The following MINAR1 variants were observed in gnomAD, a reference collection of about 807,000 sequenced individuals.
MINAR1 encodes the protein major intrinsically disordered Notch2-binding receptor 1.
MINAR1 carries 40 observed loss-of-function variants against 65.1 expected under a neutral mutation model. The ratio of observed to expected loss-of-function variants is 0.61; its 90% CI spans 0.48 to 0.80. The LOEUF (loss-of-function observed/expected upper bound fraction) is 0.80, where lower values mean the gene tolerates loss of function less well. Among genes scored for constraint, MINAR1 ranks in the 30% least tolerant of loss-of-function variants. MINAR1 has a pLI of 0.00. For missense variants in MINAR1, 1,128 were observed against 1,148.0 expected, an observed-to-expected ratio of 0.98 and a Z score of 0.25; for synonymous variants, 482 against 449.1, an observed-to-expected ratio of 1.07 and a Z score of -0.93.
chr15:79,431,760 C>G (rs2141271706), upstream of MINAR1, among the ~76,000 whole-genome samples: 1 of 152,332 alleles, frequency 6.6e-6, no homozygotes, highest in Non-Finnish European at 1.5e-5. Context: ...TGGGGAGACG[C>G]GAACCCCGCG....
At position 79,432,443 on chromosome 15, in the gene MINAR1, TACCGGAGGCGCGGC is replaced by T. The variant is rs1324209768; in HGVS notation, c.-146_-133del. 1 of 152,198 alleles carries T rather than the reference TACCGGAGGCGCGGC, an allele frequency of 6.6e-6. No individual in the cohort carries two copies. The highest frequency in any genetic ancestry group is 1.5e-5 in the Non-Finnish European group (1 of 68,074). 9.4% of individuals were successfully genotyped at this position (152,198 alleles called of 1,614,324 possible). ...ACAGTGACCAGCTGACTCTGGAGCC[TACCGGAGGCGCGGC>T]ATCGGAGGCCGTGCGGACCACTGCC... On this transcript the variant is annotated 5_prime_UTR_variant, in exon 1 of 4. Coordinates refer to ENST00000305428, the MANE Select transcript of MINAR1 (RefSeq NM_015206.3).
Position 79,469,687 on chromosome 15 carries a change from C to A in MINAR1, c.*1303C>A, listed in dbSNP as rs1481262448. 6.6e-6 allele frequency: 1 copy of A among 152,552 alleles called. No homozygotes were observed. The highest frequency in any genetic ancestry group is 1.5e-5 in the Non-Finnish European group (1 of 68,032). The allele number at this position is 152,552 out of a possible 1,614,324, so 9.4% of individuals were successfully genotyped here. On this transcript the variant is annotated 3_prime_UTR_variant, in exon 4 of 4. Transcript: ENST00000305428. Reference sequence around the variant, plus strand: ...TCCAAATTTGATCTGTTTCCACCTGCTGAATGGTGCTCTGACAATAATGGA... The same window carrying A: ...TCCAAATTTGATCTGTTTCCACCTGATGAATGGTGCTCTGACAATAATGGA...
At position 79,463,072 on chromosome 15, in the gene MINAR1, C is replaced by T; in HGVS notation, c.2304C>T (p.Asp768=). The change falls in exon 3 of 4, where the codon GAC becomes GAT. Residue 768 remains aspartate (D), a synonymous_variant. Coordinates refer to ENST00000305428, the MANE Select transcript of MINAR1 (RefSeq NM_015206.3). ...TTCTTTGTGCCCCTCTGCAGGCAGA[C>T]AGGCAGTACGACATTCCCCCACAGC... ...KDWHRKSKEA[D]RQYDIPPQHR... The T allele has an allele frequency of 6.2e-7, 1 of 1,610,526 alleles. No homozygotes were observed. Among genetic ancestry groups the T allele is most frequent in the Non-Finnish European group, 8.5e-7 (1 of 1,177,296 alleles).
At chr15:79,431,500 T>A (rs1445967079), upstream of MINAR1, among the ~76,000 whole-genome samples, 1 of 108,822 alleles carries the variant, frequency 9.2e-6, no homozygotes, top group Non-Finnish European at 1.9e-5. Flanking sequence ...AATGAGTGAG[T>A]ATGTGTGTGT....
At chr15:79,425,121 C>G in the MINAR1 span, 1 of 152,012 alleles carries the variant, frequency 6.6e-6, no homozygotes, top group Admixed American at 6.6e-5. Flanking sequence ...CTCACTGCAG[C>G]CTCTGCCTCT....
chr15:79,423,091 A>T, the MINAR1 span: 4 of 152,194 alleles, frequency 2.6e-5, no homozygotes, highest in Admixed American at 6.5e-5. Flanking sequence ...CCTTATAGAG[A>T]CTCATTAAAT....
In MINAR1 at chr15:79,463,391, C is replaced by T. The variant is rs146446260; in HGVS notation, c.2553+70C>T. On this transcript the variant is annotated intron_variant, in intron 3 of 3. Coordinates refer to ENST00000305428, the MANE Select transcript of MINAR1 (RefSeq NM_015206.3). ...CTGGCAAATGCCCTGGAATGGATCA[C>T]GGACGGCTTAGACCGGCCAGCCCAC... 8.8e-4 allele frequency: 1,382 copies of T among 1,572,284 alleles called. 16 individuals are homozygous for T. The African/African-American group carries it at 0.017, about 19-fold the overall frequency.
At chr15:79,465,752 C>T (rs868073064) in intron 3 of MINAR1, among the ~76,000 whole-genome samples, 1 of 151,926 alleles carries the variant, frequency 6.6e-6, no homozygotes, top group Non-Finnish European at 1.5e-5. Flanking sequence ...TTCCAGGTGC[C>T]AGGGTAGGGA....
the MINAR1 span, chr15:79,424,153 TA>T: frequency 6.6e-6 from 1 of 152,304 alleles, no homozygotes; most frequent in South Asian, 2.1e-4. Context: ...ATGCCGACCC[TA>T]AAAATATTTT....
intron 1 of MINAR1, among the ~76,000 whole-genome samples, chr15:79,443,605 A>T (rs1003445513): frequency 6.6e-6 from 1 of 152,196 alleles, no homozygotes; most frequent in Admixed American, 6.5e-5. Context: ...GATATGATAG[A>T]TCCATTCACA....
chr15:79,433,380 G>A (rs977179816), intron 1 of MINAR1, among the ~76,000 whole-genome samples: 1 of 152,254 alleles, frequency 6.6e-6, no homozygotes, highest in African/African-American at 2.4e-5. Flanking sequence ...GGGAAGATAA[G>A]GTTGTGTTCA....
At chr15:79,452,775 G>A (rs1160590576) in intron 1 of MINAR1, among the ~76,000 whole-genome samples, 5 of 150,386 alleles carry the variant, frequency 3.3e-5, no homozygotes, top group African/African-American at 9.8e-5. Context: ...AGCTGTGTGC[G>A]TGTCTGTGTC....
chr15:79,457,750 G>A lies in MINAR1; in HGVS notation c.1603G>A (p.Gly535Arg), dbSNP rs1194570685. 30 of 1,614,174 alleles carry A rather than the reference G, an allele frequency of 1.9e-5. No homozygotes were observed. The highest frequency in any genetic ancestry group is 2.4e-5 in the Non-Finnish European group (28 of 1,180,044). ...LDDMSISGSTGVIQSSCYNST... is the reference protein window; with the variant it reads ...LDDMSISGSTRVIQSSCYNST... ...TGACATGAGCATCAGTGGCTCCACG[G>A]GAGTGATACAGTCGTCCTGCTACAA... The change falls in exon 2 of 4, where the codon GGA (glycine) becomes AGA (arginine). Residue 535 changes from glycine to arginine, a missense_variant. By Grantham distance (125) the Gly-to-Arg change is moderately radical. Transcript: ENST00000305428.
intron 1 of MINAR1, among the ~76,000 whole-genome samples, chr15:79,450,820 G>T (rs1895168074): frequency 6.6e-6 from 1 of 152,188 alleles, no homozygotes; most frequent in African/African-American, 2.4e-5. Flanking sequence ...CCTGCAGAGG[G>T]TGCTGTGAGG....
Position 79,457,052 on chromosome 15 carries a change from A to G in MINAR1, c.905A>G (p.His302Arg), listed in dbSNP as rs1895450182. The G allele has an allele frequency of 6.2e-7, 1 of 1,614,068 alleles. No individual in the cohort carries two copies. Among genetic ancestry groups the G allele is most frequent in the African/African-American group, 1.3e-5 (1 of 75,044 alleles). ...KEPHKPPFFN[H>R]SFEMPYNSQY... is the part of the protein sequence containing the mutation. Reference sequence around the variant, plus strand: ...CCCCACAAGCCACCCTTCTTCAACCACAGCTTTGAAATGCCCTATAACAGC... The same window carrying G: ...CCCCACAAGCCACCCTTCTTCAACCGCAGCTTTGAAATGCCCTATAACAGC... The change falls in exon 2 of 4, where the codon CAC (histidine) becomes CGC (arginine). Residue 302 changes from histidine (H) to arginine (R), a missense_variant. Coordinates refer to ENST00000305428, the MANE Select transcript of MINAR1 (RefSeq NM_015206.3).
intron 1 of MINAR1, among the ~76,000 whole-genome samples, chr15:79,436,113 T>G (rs1894591942): frequency 6.6e-6 from 1 of 152,230 alleles, no homozygotes; most frequent in Non-Finnish European, 1.5e-5. Flanking sequence ...GGATTGAGGA[T>G]GATGTGGAGC....
the MINAR1 span, chr15:79,417,469 T>C: frequency 6.6e-6 from 1 of 152,250 alleles, no homozygotes; most frequent in African/African-American, 2.4e-5. Flanking sequence ...CAGGTCTTCC[T>C]GCTGAAATGG....
chr15:79,450,053 G>A (rs1246945233), intron 1 of MINAR1, among the ~76,000 whole-genome samples: 1 of 152,128 alleles, frequency 6.6e-6, no homozygotes, highest in African/African-American at 2.4e-5. Context: ...TGCTCCTCTG[G>A]CACTTGACAG....
chr15:79,432,098 C>A (rs1219665027), upstream of MINAR1, among the ~76,000 whole-genome samples: 1 of 152,100 alleles, frequency 6.6e-6, no homozygotes, highest in Non-Finnish European at 1.5e-5. Context: ...TGCTCCCAGC[C>A]TGCAAGCCCA....
Sources: gnomAD v4.1 joint callset for allele counts (sites outside exome capture counted in the v4.1 genomes callset) on GRCh38, gnomAD v4.1.1 for gene constraint, MANE v1.5 for transcripts, NCBI Gene and HGNC (gene_info 2026-07-23, HGNC 2026-07-21) for gene names.